The following ATP5MC2 variants were observed in gnomAD, a reference collection of about 807,000 sequenced individuals.
ATP5MC2 encodes the protein ATP synthase membrane subunit c locus 2.
Under a neutral mutation model 13.5 loss-of-function variants are expected in ATP5MC2, and 11 were observed. The ratio of observed to expected loss-of-function variants is 0.81; its 90% CI spans 0.51 to 1.35. The LOEUF (loss-of-function observed/expected upper bound fraction) is 1.35, where lower values mean the gene tolerates loss of function less well. Ranked by LOEUF, ATP5MC2 falls within the 40% of genes most tolerant of loss-of-function variation. The pLI, the probability that ATP5MC2 is intolerant of heterozygous loss-of-function variation, is 0.00. For synonymous variants in ATP5MC2, 64 were observed against 69.7 expected, an observed-to-expected ratio of 0.92 and a Z score of 0.41; for missense variants, 132 against 175.0, an observed-to-expected ratio of 0.75 and a Z score of 1.39.
upstream of ATP5MC2, chr12:53,676,438 A>G (rs1945280836): frequency 1.9e-6 from 1 of 516,360 alleles, no homozygotes; most frequent in African/African-American, 2.0e-5. Flanking sequence ...CAGTGTTAAC[A>G]TACGGTCGGG....
chr12:53,678,154 C>T (rs1012820122), upstream of ATP5MC2, among the ~76,000 whole-genome samples: 5 of 152,200 alleles, frequency 3.3e-5, no homozygotes, highest in South Asian at 2.1e-4. Flanking sequence ...ATCTGGGTTC[C>T]CAAATTGCTG....
Position 53,674,691 on chromosome 12 carries a change from C to A in ATP5MC2, c.-32+1362G>T, listed in dbSNP as rs76660406. ...TGTGGAACTCCTGGCATCAAAAGAT[C>A]TTCCCACCTTGGCCTCCCAGTGTTG... On this transcript the variant is annotated intron_variant, in intron 1 of 4. Coordinates refer to ENST00000394349, the MANE Select transcript of ATP5MC2 (RefSeq NM_005176.7). Among the ~76,000 whole-genome samples, 200 of 152,356 alleles carry A rather than the reference C, an allele frequency of 1.3e-3. 2 individuals carry two copies. The East Asian group carries it at 0.028, about 22-fold the overall frequency.
chr12:53,666,936 TCA>T (rs1300257593), intron 4 of ATP5MC2, among the ~76,000 whole-genome samples: 1 of 111,380 alleles, frequency 9.0e-6, no homozygotes, highest in South Asian at 3.1e-4. Context: ...ACAGCGAGAC[TCA>T]GTCTCAAAAA....
At chr12:53,676,092 C>G, upstream of ATP5MC2, 1 of 1,614,248 alleles carries the variant, frequency 6.2e-7, no homozygotes, top group Non-Finnish European at 8.5e-7. Context: ...GGCGGAGCAG[C>G]GGGAAGAGCG....
At chr12:53,667,948 T>TCC (rs1944966171) in intron 4 of ATP5MC2, among the ~76,000 whole-genome samples, 1 of 50,430 alleles carries the variant, frequency 2.0e-5, no homozygotes, top group Non-Finnish European at 3.9e-5. Flanking sequence ...CATACATACA[T>TCC]ACACACACAT....
chr12:53,667,954 C>CATATATATATATATATATAT (rs1464740488), intron 4 of ATP5MC2, among the ~76,000 whole-genome samples: 1 of 26,970 alleles, frequency 3.7e-5, no homozygotes, highest in African/African-American at 7.6e-5. Context: ...TACATACACA[C>CATATATATATATATATATAT]ACATATATAT....
At chr12:53,675,411 T>C (rs1034245138) in intron 1 of ATP5MC2, among the ~76,000 whole-genome samples, 8 of 152,196 alleles carry the variant, frequency 5.3e-5, no homozygotes, top group Non-Finnish European at 1.0e-4. Flanking sequence ...CGTGCCGGGA[T>C]GCGAGAAAGG....
upstream of ATP5MC2, chr12:53,677,247 T>C (rs1386994752): frequency 6.6e-6 from 1 of 152,472 alleles, no homozygotes; most frequent in African/African-American, 2.4e-5. Context: ...TAATCGGATT[T>C]GGGAGAAGGG....
chr12:53,672,491 C>G, intron 2 of ATP5MC2, 85 bp downstream of exon 2: 1 of 1,406,398 alleles, frequency 7.1e-7, no homozygotes, highest in Admixed American at 2.0e-5. Flanking sequence ...TCTCCCCCAG[C>G]CTTGCTGTGA....
chr12:53,676,111 G>C (rs755876081), upstream of ATP5MC2: 1 of 1,614,122 alleles, frequency 6.2e-7, no homozygotes, highest in African/African-American at 1.3e-5. Flanking sequence ...CGAAAGGAAG[G>C]CTCAGCGCAT....
chr12:53,669,068 G>A lies in ATP5MC2; in HGVS notation c.311+80C>T, dbSNP rs1945015765. ...TAGCTAGTGGCTACAGTGTGGGATA[G>A]TATAGTTCTAGACCCCCAAATATTT... On this transcript the variant is annotated intron_variant, in intron 4 of 4. Coordinates refer to ENST00000394349, the MANE Select transcript of ATP5MC2 (RefSeq NM_005176.7). The A allele has an allele frequency of 4.0e-6, 6 of 1,517,306 alleles. No homozygotes were observed. In the Admixed American group the frequency reaches 1.1e-4, roughly 27 times the overall value. The allele number at this position is 1,517,306 out of a possible 1,614,324, so 94.0% of individuals were successfully genotyped here.
In ATP5MC2 at chr12:53,673,609, G is replaced by A. The variant is rs151088712; in HGVS notation, c.-31-964C>T. The A allele has an allele frequency of 8.3e-3, 1,280 of 154,020 alleles. 18 individuals are homozygous for A. The highest frequency in any genetic ancestry group is 0.028 in the African/African-American group (1,175 of 41,496). The allele number at this position is 154,020 out of a possible 1,614,324, so 9.5% of individuals were successfully genotyped here. The stretch of plus-strand genomic sequence containing the variant: ...GAGGCTGAGGCGGGTAGATCACGAG[G>A]TCAGGAGTTCGAGACCAGGCTGACC... On this transcript the variant is annotated intron_variant, in intron 1 of 4. Transcript: ENST00000394349.
chr12:53,674,440 G>A (rs1945205123), intron 1 of ATP5MC2, among the ~76,000 whole-genome samples: 1 of 152,222 alleles, frequency 6.6e-6, no homozygotes, highest in Admixed American at 6.5e-5. Context: ...GCAAGAGCGT[G>A]ACCCTAAACC....
upstream of ATP5MC2, chr12:53,676,393 G>A: frequency 2.9e-6 from 2 of 683,314 alleles, no homozygotes; most frequent in Non-Finnish European, 2.4e-6. Context: ...ATGCGCAGTC[G>A]TCACACTGCC....
intron 1 of ATP5MC2, among the ~76,000 whole-genome samples, chr12:53,674,452 A>C (rs979808590): frequency 7.9e-5 from 12 of 152,258 alleles, no homozygotes; most frequent in African/African-American, 2.9e-4. Context: ...CCCTAAACCC[A>C]GTCTTGAAAC....
chr12:53,670,822 C>T (rs1945075427), intron 2 of ATP5MC2, among the ~76,000 whole-genome samples: 2 of 151,830 alleles, frequency 1.3e-5, no homozygotes, highest in South Asian at 4.2e-4. Context: ...AGGTTTTCAC[C>T]ATATTGGCCA....
chr12:53,669,862 G>C lies in ATP5MC2; in HGVS notation c.117+9C>G. The C allele has an allele frequency of 6.2e-7, 1 of 1,613,710 alleles. No homozygotes were observed. The highest frequency in any genetic ancestry group is 8.5e-7 in the Non-Finnish European group (1 of 1,179,856). ...CCAAAACCACAGTCCCAACTCCACT[G>C]TAAGGTACCTCATCTGTCAGTATCT... is the stretch of plus-strand genomic sequence containing the variant. On this transcript the variant is annotated intron_variant, in intron 3 of 4. Transcript: ENST00000394349.
upstream of ATP5MC2, chr12:53,676,371 C>A: frequency 1.2e-6 from 1 of 864,600 alleles, no homozygotes. Context: ...GACTTGCGTC[C>A]CCTTTCCGAG....
intron 1 of ATP5MC2, among the ~76,000 whole-genome samples, chr12:53,674,316 T>A (rs1027865571): frequency 6.6e-6 from 1 of 152,208 alleles, no homozygotes; most frequent in African/African-American, 2.4e-5. Context: ...TTGTCCAGTA[T>A]GGGCAACAAC....
Sources: gnomAD v4.1 joint callset for allele counts (sites outside exome capture counted in the v4.1 genomes callset) on GRCh38, gnomAD v4.1.1 for gene constraint, MANE v1.5 for transcripts, NCBI Gene and HGNC (gene_info 2026-07-23, HGNC 2026-07-21) for gene names.